Variants in NIM1K observed in about 807,000 individuals in gnomAD.
NIM1K encodes the protein NIM1 serine/threonine protein kinase, also known as serine/threonine-protein kinase NIM1.
NIM1K carries 35 observed loss-of-function variants against 37.1 expected under a neutral mutation model. The ratio of observed to expected loss-of-function variants is 0.94; its 90% CI spans 0.72 to 1.25. The LOEUF is 1.25. Among genes scored for constraint, NIM1K ranks in the 50% most tolerant of loss-of-function variants. NIM1K has a pLI of 0.00. For synonymous variants in NIM1K, 234 were observed against 206.6 expected (o/e 1.13, Z -1.14); for missense variants, 564 against 548.0 (o/e 1.03, Z -0.29).
chr5:43,205,801 C>T (rs1057405353), intron 1 of NIM1K, among the ~76,000 whole-genome samples: 4 of 152,166 alleles, frequency 2.6e-5, no homozygotes, highest in Non-Finnish European at 4.4e-5. Context: ...CAAGCTCCAC[C>T]TCCCGGGTTC....
intron 1 of NIM1K, among the ~76,000 whole-genome samples, chr5:43,237,680 C>T (rs895175538): frequency 1.3e-5 from 2 of 152,104 alleles, no homozygotes; most frequent in African/African-American, 4.8e-5. Flanking sequence ...TTCTAGATTT[C>T]TAAGGAAAAT....
chr5:43,263,313 C>T (rs1375601475), intron 2 of NIM1K, among the ~76,000 whole-genome samples: 1 of 152,118 alleles, frequency 6.6e-6, no homozygotes, highest in East Asian at 1.9e-4. Context: ...TTCAGGGATT[C>T]AACTTCTTCC....
intron 1 of NIM1K, chr5:43,225,367 C>A (rs6887997): frequency 2.0e-5 from 3 of 149,918 alleles, no homozygotes; most frequent in African/African-American, 4.9e-5. Flanking sequence ...ATTAAAAGGA[C>A]TTGCATTCCT....
intron 1 of NIM1K, among the ~76,000 whole-genome samples, chr5:43,218,046 C>T (rs1752328576): frequency 6.6e-6 from 1 of 150,600 alleles, no homozygotes; most frequent in African/African-American, 2.5e-5. Context: ...GAGTCTCAGT[C>T]TGTCGCCCAG....
chr5:43,203,531 T>A (rs1022052655), intron 1 of NIM1K, among the ~76,000 whole-genome samples: 1 of 152,188 alleles, frequency 6.6e-6, no homozygotes, highest in African/African-American at 2.4e-5. Context: ...TTCCACCACT[T>A]GGCTGTGCTG....
chr5:43,262,089 T>A (rs1422293039), intron 2 of NIM1K, among the ~76,000 whole-genome samples: 1 of 152,204 alleles, frequency 6.6e-6, no homozygotes, highest in African/African-American at 2.4e-5. Context: ...CTTGGCAATG[T>A]GGGCTCTTTT....
In NIM1K at chr5:43,280,098, T is replaced by C; in HGVS notation, c.680T>C (p.Leu227Pro). Residue 227 changes from leucine to proline, a missense_variant, in exon 4 of 4, where the codon CTG becomes CCG. Leu to Pro is a moderately conservative substitution (Grantham distance 98). Coordinates refer to ENST00000326035, the MANE Select transcript of NIM1K (RefSeq NM_153361.4). ...ACAGTAAGCAAAAAAGGTGAAATGC[T>C]GAACACTTTCTGTGGGTCTCCTCCC... The part of the protein sequence containing the change: ...FSTVSKKGEM[L>P]NTFCGSPPYA... The C allele has an allele frequency of 1.2e-6, 2 of 1,614,228 alleles. No individual in the cohort carries two copies. Among genetic ancestry groups the C allele is most frequent in the South Asian group, 1.1e-5 (1 of 91,090 alleles).
chr5:43,224,831 G>A (rs923899357), intron 1 of NIM1K, among the ~76,000 whole-genome samples: 5 of 151,692 alleles, frequency 3.3e-5, no homozygotes, highest in African/African-American at 4.8e-5. Context: ...AAGTAGCTGC[G>A]ATTACAGGCG....
intron 1 of NIM1K, among the ~76,000 whole-genome samples, chr5:43,223,158 A>G (rs1387282128): frequency 6.7e-6 from 1 of 149,170 alleles, no homozygotes; most frequent in Admixed American, 6.6e-5. Flanking sequence ...AAAAAAAAAA[A>G]AAGTTAGGTT....
intron 1 of NIM1K, among the ~76,000 whole-genome samples, chr5:43,228,922 A>G (rs1209375978): frequency 1.3e-5 from 2 of 152,228 alleles, no homozygotes; most frequent in African/African-American, 4.8e-5. Flanking sequence ...GCACACAAAA[A>G]AACCTTCAAA....
At chr5:43,231,782 T>G in intron 1 of NIM1K, 5 of 1,205,328 alleles carry the variant, frequency 4.1e-6, no homozygotes, top group Non-Finnish European at 5.8e-6. Flanking sequence ...AGCTTCCCTG[T>G]AAAAGCAGCA....
At chr5:43,218,453 C>T (rs1288595352) in intron 1 of NIM1K, among the ~76,000 whole-genome samples, 1 of 152,180 alleles carries the variant, frequency 6.6e-6, no homozygotes, top group Non-Finnish European at 1.5e-5. Flanking sequence ...ACATCATCTG[C>T]TCAGCTTTTG....
At chr5:43,207,386 C>T (rs967067550) in intron 1 of NIM1K, 25 of 847,666 alleles carry the variant, frequency 2.9e-5, no homozygotes, top group East Asian at 1.7e-4. Flanking sequence ...GAAATATATG[C>T]GAAAAACGTG....
intron 1 of NIM1K, among the ~76,000 whole-genome samples, chr5:43,222,630 A>C (rs1275645424): frequency 6.6e-6 from 1 of 152,050 alleles, no homozygotes; most frequent in Non-Finnish European, 1.5e-5. Flanking sequence ...GCTACTTGGG[A>C]GGCTGAGACT....
intron 1 of NIM1K, among the ~76,000 whole-genome samples, chr5:43,236,270 AAAAAC>A (rs1752620236): frequency 6.6e-6 from 1 of 152,042 alleles, no homozygotes; most frequent in Non-Finnish European, 1.5e-5. Flanking sequence ...GTGTCAAACA[AAAAAC>A]AAAACAAAAT....
chr5:43,264,106 G>A (rs1753081509), intron 2 of NIM1K, among the ~76,000 whole-genome samples: 1 of 152,168 alleles, frequency 6.6e-6, no homozygotes, highest in African/African-American at 2.4e-5. Flanking sequence ...TGTTGATTTG[G>A]GGTCGAGAGT....
At chr5:43,277,815 T>TGTGTGTGTGTGTGTGAGA (rs532526440) in intron 3 of NIM1K, among the ~76,000 whole-genome samples, 4 of 128,946 alleles carry the variant, frequency 3.1e-5, no homozygotes, top group African/African-American at 8.7e-5. Flanking sequence ...TGTGTGTGTG[T>TGTGTGTGTGTGTGTGAGA]GAGAGAGAGA....
chr5:43,209,754 G>A (rs935621535), intron 1 of NIM1K, among the ~76,000 whole-genome samples: 8 of 152,146 alleles, frequency 5.3e-5, no homozygotes, highest in South Asian at 4.1e-4. Context: ...GAGTAGCTGG[G>A]ATTATAGGCG....
At chr5:43,213,778 G>A (rs535489853) in intron 1 of NIM1K, among the ~76,000 whole-genome samples, 53 of 152,066 alleles carry the variant, frequency 3.5e-4, no homozygotes, top group African/African-American at 1.3e-3. Flanking sequence ...TTACAGGTGT[G>A]AGCCACTGCC....
Sources: allele counts gnomAD v4.1 joint callset (sites outside exome capture counted in the v4.1 genomes callset), GRCh38; gene constraint gnomAD v4.1.1; transcripts MANE v1.5; gene names NCBI Gene and HGNC (gene_info 2026-07-23, HGNC 2026-07-21).